Variants in CDK6 observed in about 807,000 individuals in gnomAD.
The protein encoded by CDK6 is cyclin-dependent kinase 6.
Under a neutral mutation model 37.1 loss-of-function variants are expected in CDK6, and 6 were observed. The ratio of observed to expected loss-of-function variants is 0.16; its 90% CI spans 0.09 to 0.32. The LOEUF (loss-of-function observed/expected upper bound fraction) is 0.32. CDK6 is among the 10% of genes least tolerant of loss of function. CDK6 has a pLI of 1.00. For missense variants in CDK6, 224 were observed against 418.9 expected (o/e 0.53, Z 4.06); for synonymous variants, 160 against 161.3 (o/e 0.99, Z 0.06).
intron 4 of CDK6, among the ~76,000 whole-genome samples, chr7:92,722,063 T>C (rs1428813591): frequency 6.6e-6 from 1 of 152,130 alleles, no homozygotes; most frequent in African/African-American, 2.4e-5. Context: ...TACTGTTAAC[T>C]GCTCCCTCAA....
intron 4 of CDK6, among the ~76,000 whole-genome samples, chr7:92,723,609 T>C (rs564108323): frequency 5.9e-5 from 9 of 152,274 alleles, no homozygotes; most frequent in African/African-American, 2.2e-4. Flanking sequence ...AATTTTAAAA[T>C]GCAGTACCCT....
At chr7:92,659,396 T>G (rs936109170) in intron 5 of CDK6, among the ~76,000 whole-genome samples, 1 of 152,208 alleles carries the variant, frequency 6.6e-6, no homozygotes, top group Admixed American at 6.5e-5. Context: ...GATAACATTT[T>G]GGATGTACTG....
chr7:92,623,469 G>C (rs1164663299), intron 5 of CDK6, among the ~76,000 whole-genome samples: 1 of 152,116 alleles, frequency 6.6e-6, no homozygotes, highest in Non-Finnish European at 1.5e-5. Flanking sequence ...ATATTTCTCA[G>C]AGCACTTTTT....
rs2116031082 is a variant in CDK6, at chr7:92,833,081, C to T, written c.233+10G>A. 6.4e-7 allele frequency: 1 copy of T among 1,554,986 alleles called. No homozygotes were observed. The highest frequency in any genetic ancestry group is 8.7e-7 in the Non-Finnish European group (1 of 1,148,956). ...GCCCCAGATGGCGAGGGCGCAGCTCCCTGGCTCACCTGACCACGTTGGGGT... is the reference window on the plus strand; with the variant it reads ...GCCCCAGATGGCGAGGGCGCAGCTCTCTGGCTCACCTGACCACGTTGGGGT... On this transcript the variant is annotated intron_variant, in intron 2 of 7. Transcript: ENST00000424848. The surrounding 1 kb of genome is among the most constrained non-coding windows in gnomAD (Gnocchi z 6.1).
chr7:92,637,496 T>C (rs952088450), intron 5 of CDK6, among the ~76,000 whole-genome samples: 3 of 152,210 alleles, frequency 2.0e-5, no homozygotes, highest in Non-Finnish European at 2.9e-5. Context: ...AAGATCATTA[T>C]TTTTAAGAAA....
At chr7:92,786,458 C>A (rs1800134487) in intron 2 of CDK6, among the ~76,000 whole-genome samples, 1 of 152,042 alleles carries the variant, frequency 6.6e-6, no homozygotes, top group Non-Finnish European at 1.5e-5. Flanking sequence ...TAAAGCAACA[C>A]AAATGAAAAC....
At position 92,725,739 on chromosome 7, in the gene CDK6, C is replaced by T. The variant is rs1404774790; in HGVS notation, c.424G>A (p.Val142Met). The change falls in exon 4 of 8, where the codon GTG (valine) becomes ATG (methionine). Residue 142 changes from valine to methionine, a missense_variant. This residue lies in a region of CDK6 where 82 missense variants were observed against 202.1 expected (regional missense o/e 0.41). Transcript: ENST00000424848. ...TTCTGTGGTTTTAGATCGCGATGCA[C>T]TACTCGGTGTGAATGAAGAAAGTCC... The part of the protein sequence containing the change: ...GLDFLHSHRV[V>M]HRDLKPQNIL... 1 of 1,614,044 alleles carries T rather than the reference C, an allele frequency of 6.2e-7. No individual in the cohort carries two copies.
At chr7:92,764,391 T>G (rs1799529788) in intron 3 of CDK6, among the ~76,000 whole-genome samples, 1 of 152,148 alleles carries the variant, frequency 6.6e-6, no homozygotes, top group African/African-American at 2.4e-5. Context: ...TCCTCCTTGG[T>G]CTCCTAGAGT....
chr7:92,707,925 T>C (rs1018904620), intron 4 of CDK6, among the ~76,000 whole-genome samples: 5 of 152,196 alleles, frequency 3.3e-5, no homozygotes, highest in African/African-American at 1.2e-4. Context: ...CACACAGTGG[T>C]GATGATGAAA....
chr7:92,731,748 G>C (rs1159726038), intron 3 of CDK6, among the ~76,000 whole-genome samples: 1 of 150,212 alleles, frequency 6.7e-6, no homozygotes, highest in Non-Finnish European at 1.5e-5. Context: ...CAACTAACTG[G>C]AAATAAAAAA....
At chr7:92,700,102 C>G (rs1036574654) in intron 4 of CDK6, among the ~76,000 whole-genome samples, 1 of 151,890 alleles carries the variant, frequency 6.6e-6, no homozygotes, top group Non-Finnish European at 1.5e-5. Flanking sequence ...GAGGCTTCAG[C>G]GAGGAGGGGC....
intron 4 of CDK6, among the ~76,000 whole-genome samples, chr7:92,676,518 C>A (rs1397994305): frequency 1.3e-5 from 2 of 152,086 alleles, no homozygotes; most frequent in Non-Finnish European, 2.9e-5. Context: ...TTCTATACTT[C>A]ATTTGTCAAA....
chr7:92,787,322 T>A (rs1159654777), intron 2 of CDK6, among the ~76,000 whole-genome samples: 1 of 152,058 alleles, frequency 6.6e-6, no homozygotes, highest in African/African-American at 2.4e-5. Context: ...AAAAAAATTA[T>A]TTAAAAAATA....
intron 3 of CDK6, among the ~76,000 whole-genome samples, chr7:92,773,043 A>C (rs1799756562): frequency 6.6e-6 from 1 of 152,222 alleles, no homozygotes; most frequent in African/African-American, 2.4e-5. Flanking sequence ...AAGCCTTTGA[A>C]AGTCATTTTA....
chr7:92,672,174 C>CAG (rs1797092661), intron 4 of CDK6, among the ~76,000 whole-genome samples: 3 of 104,948 alleles, frequency 2.9e-5, no homozygotes, highest in African/African-American at 7.7e-5. Context: ...CATACACACA[C>CAG]ACACACACAG....
chr7:92,703,683 T>C (rs2116666144), intron 4 of CDK6, among the ~76,000 whole-genome samples: 1 of 152,358 alleles, frequency 6.6e-6, no homozygotes, highest in South Asian at 2.1e-4. Flanking sequence ...TAGATGTAAC[T>C]AGATTTCCTG....
intron 2 of CDK6, among the ~76,000 whole-genome samples, chr7:92,800,533 C>G (rs369023824): frequency 4.6e-4 from 70 of 152,240 alleles, no homozygotes; most frequent in African/African-American, 1.6e-3. Context: ...GGCACAGGTA[C>G]ACACACACTT....
At position 92,611,599 on chromosome 7, in the gene CDK6, C is replaced by T. The variant is rs1585334017; in HGVS notation, c.*3541G>A. The T allele has an allele frequency of 3.5e-5, 8 of 228,644 alleles. No homozygotes were observed. In the East Asian group the frequency reaches 5.1e-4, roughly 14 times the overall value. 14.2% of individuals were successfully genotyped at this position (228,644 alleles called of 1,614,324 possible). The stretch of plus-strand genomic sequence containing the variant: ...AAAGAAGCAGCTACAGTTTCTTAAA[C>T]ACTCACTTTAAATACATAATTTAAA... On this transcript the variant is annotated 3_prime_UTR_variant, in exon 8 of 8. Coordinates refer to ENST00000424848, the MANE Select transcript of CDK6 (RefSeq NM_001145306.2).
chr7:92,653,579 A>G (rs1276416691), intron 5 of CDK6, among the ~76,000 whole-genome samples: 2 of 152,142 alleles, frequency 1.3e-5, no homozygotes, highest in Non-Finnish European at 2.9e-5. Flanking sequence ...CAAGTTTTTT[A>G]TTCTTTAGTG....
Sources: allele counts gnomAD v4.1 joint callset (sites outside exome capture counted in the v4.1 genomes callset), GRCh38; gene constraint gnomAD v4.1.1; regional missense constraint gnomAD v4.1.1; non-coding constraint Gnocchi (gnomAD v3.1); transcripts MANE v1.5; gene names NCBI Gene and HGNC (gene_info 2026-07-23, HGNC 2026-07-21).